Variants in WDR19 observed in about 807,000 individuals in gnomAD.
The protein encoded by WDR19 is WD repeat-containing protein 19.
In WDR19, 121 loss-of-function variants were observed where a neutral mutation model predicts 180.0. The observed-to-expected ratio is 0.67, with a 90% CI of 0.58 to 0.78. WDR19 has a LOEUF of 0.78. Among genes scored for constraint, WDR19 ranks in the 30% least tolerant of loss-of-function variants. The pLI is 0.00. For synonymous variants in WDR19, 497 were observed against 540.7 expected (o/e 0.92, Z 1.12); for missense variants, 1,450 against 1,640.7 (o/e 0.88, Z 2.01).
intron 4 of WDR19, among the ~76,000 whole-genome samples, chr4:39,190,662 T>C (rs953006611): frequency 1.3e-5 from 2 of 152,174 alleles, no homozygotes; most frequent in Admixed American, 1.3e-4. Flanking sequence ...AGCAAGGCAG[T>C]CATGTAGCGC....
At chr4:39,265,664 C>T (rs1482097809) in intron 28 of WDR19, among the ~76,000 whole-genome samples, 3 of 150,368 alleles carry the variant, frequency 2.0e-5, no homozygotes, top group African/African-American at 7.4e-5. Context: ...CCCAGCTACT[C>T]GAGAGGCTGA....
intron 1 of WDR19, among the ~76,000 whole-genome samples, chr4:39,183,236 A>G (rs1725139304): frequency 7.2e-6 from 1 of 137,948 alleles, no homozygotes; most frequent in South Asian, 2.3e-4. Flanking sequence ...CTGCTCTGGC[A>G]AAGAAATGGA....
chr4:39,211,827 A>G (rs1382413469), intron 9 of WDR19, among the ~76,000 whole-genome samples: 1 of 152,178 alleles, frequency 6.6e-6, no homozygotes, highest in Non-Finnish European at 1.5e-5. Context: ...CAAAGTGAAG[A>G]TATCAGTTCC....
Position 39,227,222 on chromosome 4 carries a change from G to T in WDR19, c.1630-988G>T, listed in dbSNP as rs143025020. Among the ~76,000 whole-genome samples, 637 of 152,188 alleles carry T rather than the reference G, an allele frequency of 4.2e-3. 3 individuals are homozygous for T. Among genetic ancestry groups the T allele is most frequent in the African/African-American group, 0.015 (611 of 41,518 alleles). On this transcript the variant is annotated intron_variant, in intron 15 of 36. Coordinates refer to ENST00000399820, the MANE Select transcript of WDR19 (RefSeq NM_025132.4). ...CTATGTTAAATAACACAGCTTTGTA[G>T]TATGAATTATTATTTGCAAGAATTT...
chr4:39,264,986 C>T (rs1401330419), intron 28 of WDR19, among the ~76,000 whole-genome samples: 5 of 149,030 alleles, frequency 3.4e-5, no homozygotes, highest in Admixed American at 6.7e-5. Context: ...GACGGGATGT[C>T]GGCTCACTGC....
intron 12 of WDR19, among the ~76,000 whole-genome samples, chr4:39,216,918 A>G (rs532207821): frequency 2.2e-4 from 34 of 152,382 alleles, no homozygotes; most frequent in Non-Finnish European, 4.1e-4. Flanking sequence ...CAGGTAAACC[A>G]TAATGGAATG....
At chr4:39,251,773 G>A (rs1222287631) in intron 24 of WDR19, among the ~76,000 whole-genome samples, 1 of 151,532 alleles carries the variant, frequency 6.6e-6, no homozygotes, top group Admixed American at 6.6e-5. Flanking sequence ...ATCATCACTG[G>A]CCATCAGAGA....
chr4:39,253,441 T>G, intron 25 of WDR19, 149 bp downstream of exon 25: 1 of 918,332 alleles, frequency 1.1e-6, no homozygotes, highest in Non-Finnish European at 1.6e-6. Context: ...AAGGCTGTCG[T>G]GGTCAGCAGA....
At chr4:39,205,950 A>C in intron 9 of WDR19, 1 of 483,712 alleles carries the variant, frequency 2.1e-6, no homozygotes, top group Admixed American at 3.6e-5. Flanking sequence ...GTTCTGGGTA[A>C]CATGGAGTAA....
chr4:39,267,644 G>A (rs1433337027), intron 29 of WDR19, among the ~76,000 whole-genome samples: 1 of 152,170 alleles, frequency 6.6e-6, no homozygotes, highest in Non-Finnish European at 1.5e-5. Context: ...AATACTCTGT[G>A]GAGTAGGGTC....
rs150472367 is a variant in WDR19 at position 39,192,281 on chromosome 4, G to T, written c.291-2263G>T. ...ATTTTTATTCATATTTTCTTTGAAGGAGTCTCCAAGACAGGATTAACTGTG... is the reference window on the plus strand; with the variant it reads ...ATTTTTATTCATATTTTCTTTGAAGTAGTCTCCAAGACAGGATTAACTGTG... On this transcript the variant is annotated intron_variant, in intron 4 of 36. Coordinates refer to ENST00000399820, the MANE Select transcript of WDR19 (RefSeq NM_025132.4). Among the ~76,000 whole-genome samples, 238 of 152,088 alleles carry T rather than the reference G, an allele frequency of 1.6e-3. 2 individuals carry two copies. Among genetic ancestry groups the T allele is most frequent in the African/African-American group, 5.5e-3 (226 of 41,454 alleles).
intron 10 of WDR19, among the ~76,000 whole-genome samples, 195 bp from the exon 11 acceptor site, chr4:39,215,646 C>T (rs1240366773): frequency 6.6e-6 from 1 of 152,050 alleles, no homozygotes; most frequent in Non-Finnish European, 1.5e-5. Context: ...CTTTGAGCCA[C>T]AGGGAATGAG....
chr4:39,256,049 T>C, intron 27 of WDR19, 89 bp downstream of exon 27: 1 of 965,934 alleles, frequency 1.0e-6, no homozygotes, highest in Non-Finnish European at 1.6e-6. Context: ...GTAGGAAATA[T>C]ATGTAAATGC....
intron 13 of WDR19, 110 bp from the exon 14 acceptor site, chr4:39,217,873 T>C (rs952082828): frequency 8.6e-6 from 12 of 1,389,086 alleles, no homozygotes; most frequent in African/African-American, 8.6e-5. Flanking sequence ...CCTCTCGTAG[T>C]CTTGGGAGCC....
chr4:39,231,992 T>G, intron 18 of WDR19, 36 bp downstream of exon 18: 1 of 1,594,330 alleles, frequency 6.3e-7, no homozygotes, highest in Non-Finnish European at 8.6e-7. Context: ...AAGTTAAAAT[T>G]TAAATGCTAT....
chr4:39,265,998 T>C, intron 28 of WDR19, 65 bp from the exon 29 acceptor site: 1 of 1,372,450 alleles, frequency 7.3e-7, no homozygotes, highest in Non-Finnish European at 1.0e-6. Flanking sequence ...GAAGATTGTC[T>C]TTTTCTCCAC....
chr4:39,254,066 G>A, intron 26 of WDR19, 36 bp downstream of exon 26: 2 of 1,588,506 alleles, frequency 1.3e-6, no homozygotes, highest in South Asian at 2.3e-5. Context: ...TCTTCAAGAT[G>A]TTTATCATAA....
intron 14 of WDR19, chr4:39,218,655 A>T (rs1461147813): frequency 6.6e-6 from 1 of 152,232 alleles, no homozygotes; most frequent in African/African-American, 2.4e-5. Flanking sequence ...TCAACACTGT[A>T]CACTTAGGGA....
At chr4:39,224,177 A>AT (rs1255696536) in intron 14 of WDR19, among the ~76,000 whole-genome samples, 2 of 152,084 alleles carry the variant, frequency 1.3e-5, no homozygotes, top group African/African-American at 2.4e-5. Context: ...TATCAGGTGG[A>AT]TTTTTTTGTC....
Sources: gnomAD v4.1 joint callset for allele counts (sites outside exome capture counted in the v4.1 genomes callset) on GRCh38, gnomAD v4.1.1 for gene constraint, MANE v1.5 for transcripts, NCBI Gene and HGNC (gene_info 2026-07-23, HGNC 2026-07-21) for gene names.